Variants in AGAP1 observed in about 807,000 individuals in gnomAD.
AGAP1 encodes arf-GAP with GTPase, ANK repeat and PH domain-containing protein 1.
Under a neutral mutation model 105.3 loss-of-function variants are expected in AGAP1, and 29 were observed. The observed-to-expected ratio is 0.28, with a 90% CI of 0.21 to 0.38. AGAP1 has a LOEUF of 0.38. Among genes scored for constraint, AGAP1 ranks in the 10% least tolerant of loss-of-function variants. AGAP1 has a pLI of 1.00. For synonymous variants in AGAP1, 509 were observed against 485.9 expected, an observed-to-expected ratio of 1.05 and a Z score of -0.63; for missense variants, 998 against 1,165.1, an observed-to-expected ratio of 0.86 and a Z score of 2.09.
intron 6 of AGAP1, among the ~76,000 whole-genome samples, chr2:235,775,421 C>T (rs753485855): frequency 9.8e-5 from 15 of 152,300 alleles, no homozygotes; most frequent in Non-Finnish European, 1.5e-4. Flanking sequence ...GGTGTAATGA[C>T]GTCCTTTCCA....
chr2:235,853,338 T>A, intron 9 of AGAP1: 1 of 561,938 alleles, frequency 1.8e-6, no homozygotes, highest in Middle Eastern at 9.0e-4. Context: ...GAACAGGGAA[T>A]GTTGTGACTT....
At position 236,017,181 on chromosome 2, in the gene AGAP1, T is replaced by A. The variant is rs368785895; in HGVS notation, c.1646-19380T>A. Among the ~76,000 whole-genome samples the A allele has an allele frequency of 4.6e-5, 7 of 151,340 alleles. No individual in the cohort carries two copies. The East Asian group carries it at 1.4e-3, about 30-fold the overall frequency. On this transcript the variant is annotated intron_variant, in intron 13 of 17. Transcript: ENST00000304032. ...AGTGGCGAGCACCTGTAATCCCAGCTACTCAGGAGGCTGAGGCAGGAGAAT... is the reference window on the plus strand; with the variant it reads ...AGTGGCGAGCACCTGTAATCCCAGCAACTCAGGAGGCTGAGGCAGGAGAAT...
At chr2:236,122,978 C>T (rs752619539) in intron 17 of AGAP1, among the ~76,000 whole-genome samples, 14 of 152,082 alleles carry the variant, frequency 9.2e-5, no homozygotes, top group Non-Finnish European at 1.9e-4. Flanking sequence ...CCACCGTGTC[C>T]GGCTCCAGTG....
chr2:235,991,743 T>C (rs1405900931), intron 13 of AGAP1, among the ~76,000 whole-genome samples: 1 of 152,222 alleles, frequency 6.6e-6, no homozygotes, highest in East Asian at 1.9e-4. Context: ...AGGCATTTCC[T>C]TCTGCAGTTC....
At chr2:236,048,539 CT>C (rs1279134105) in intron 15 of AGAP1, among the ~76,000 whole-genome samples, 3 of 152,200 alleles carry the variant, frequency 2.0e-5, no homozygotes, top group African/African-American at 7.2e-5. Context: ...GTACCTCTCT[CT>C]CATCTTTGAA....
chr2:235,998,780 A>T (rs369875013), intron 13 of AGAP1, among the ~76,000 whole-genome samples: 5 of 138,298 alleles, frequency 3.6e-5, no homozygotes, highest in African/African-American at 1.3e-4. Context: ...GAGGTTATGA[A>T]GGGGGTTGTG....
rs575100530 is a variant in AGAP1 at position 235,696,191 on chromosome 2, G to A, written c.164-12988G>A. On this transcript the variant is annotated intron_variant, in intron 1 of 17. Transcript: ENST00000304032. ...CTCCAAAGTAGCTAGGATTACAGGC[G>A]TGCACCCCCATGCCCAGCTAATTTT... 6.4e-4 allele frequency among the ~76,000 whole-genome samples: 98 copies of A among 152,246 alleles called. 1 individual carries two copies. In the South Asian group the frequency reaches 0.013, roughly 21 times the overall value.
rs2051419903 is a variant in AGAP1 at position 235,908,603 on chromosome 2, G to T, written c.1156-135G>T. The T allele has an allele frequency of 2.7e-6, 2 of 744,472 alleles. No homozygotes were observed. The highest frequency in any genetic ancestry group is 2.1e-6 in the Non-Finnish European group (1 of 476,756). The allele number at this position is 744,472 out of a possible 1,614,324, so 46.1% of individuals were successfully genotyped here. A position where few individuals can be genotyped will look rare whatever the true frequency, so the allele number is the denominator to read the frequency against. On this transcript the variant is annotated intron_variant, in intron 10 of 17. Coordinates refer to ENST00000304032, the MANE Select transcript of AGAP1 (RefSeq NM_001037131.3). This position sits in a 1 kb window ranked among gnomAD's most constrained non-coding sequence, Gnocchi z 4.4. ...AGTACTCTATAGATAAAAATCTCATGATTTTTAAAGTACTTTCCACAGTGG... is the reference window on the plus strand; with the variant it reads ...AGTACTCTATAGATAAAAATCTCATTATTTTTAAAGTACTTTCCACAGTGG...
At chr2:235,815,199 C>G (rs117085734) in intron 9 of AGAP1, among the ~76,000 whole-genome samples, 2 of 152,156 alleles carry the variant, frequency 1.3e-5, no homozygotes, top group Admixed American at 6.5e-5. Context: ...CAGGGCTGCC[C>G]TAATGAAATC....
rs1559318075 is a variant in AGAP1 at position 235,655,655 on chromosome 2, G to A, written c.164-53524G>A. On this transcript the variant is annotated intron_variant, in intron 1 of 17. Transcript: ENST00000304032. This position sits in a 1 kb window ranked among gnomAD's most constrained non-coding sequence, Gnocchi z 4.3. The stretch of plus-strand genomic sequence containing the variant: ...TGTGAGTGGGATCCCAGGCCAAGCA[G>A]TTAACTGCGTTCCAGCGAAGCAGGT... 1.3e-5 allele frequency among the ~76,000 whole-genome samples: 2 copies of A among 152,230 alleles called. No homozygotes were observed. Among genetic ancestry groups the A allele is most frequent in the African/African-American group, 2.4e-5 (1 of 41,476 alleles).
Position 235,936,718 on chromosome 2 carries a change from T to C in AGAP1, c.1483+5795T>C, listed in dbSNP as rs2053010158. Among the ~76,000 whole-genome samples, 1 of 152,132 alleles carries C rather than the reference T, an allele frequency of 6.6e-6. No homozygotes were observed. The highest frequency in any genetic ancestry group is 1.5e-5 in the Non-Finnish European group (1 of 68,024). ...GTCTCTGACCTGGAAGCTTCTTTGATGGGAGGGTATCAGTGAAGCGTGGTG... is the reference window on the plus strand; with the variant it reads ...GTCTCTGACCTGGAAGCTTCTTTGACGGGAGGGTATCAGTGAAGCGTGGTG... On this transcript the variant is annotated intron_variant, in intron 12 of 17. Coordinates refer to ENST00000304032, the MANE Select transcript of AGAP1 (RefSeq NM_001037131.3). The surrounding 1 kb of genome is among the most constrained non-coding windows in gnomAD (Gnocchi z 4.7).
intron 1 of AGAP1, among the ~76,000 whole-genome samples, chr2:235,581,909 G>A (rs1475347658): frequency 6.6e-6 from 1 of 152,218 alleles, no homozygotes; most frequent in Admixed American, 6.5e-5. Flanking sequence ...TTGAAACCTG[G>A]AAGAAGAAAA....
At chr2:236,102,373 A>C (rs182358809) in intron 16 of AGAP1, among the ~76,000 whole-genome samples, 183 of 146,952 alleles carry the variant, frequency 1.2e-3, no homozygotes, top group African/African-American at 4.4e-3. Context: ...AGGCGAGATC[A>C]TGCCACTGCA....
intron 12 of AGAP1, among the ~76,000 whole-genome samples, chr2:235,952,064 C>A (rs1275528747): frequency 6.6e-6 from 1 of 152,152 alleles, no homozygotes; most frequent in African/African-American, 2.4e-5. Context: ...TCATTAACAC[C>A]ACACCAGATT....
At chr2:235,854,521 C>T (rs2106470342) in intron 9 of AGAP1, among the ~76,000 whole-genome samples, 1 of 152,362 alleles carries the variant, frequency 6.6e-6, no homozygotes, top group South Asian at 2.1e-4. Context: ...CCAGCCTCAG[C>T]TGCTATTGTG....
rs1043122497 is a variant in AGAP1 at position 235,559,151 on chromosome 2, T to A, written c.163+64302T>A. On this transcript the variant is annotated intron_variant, in intron 1 of 17. Coordinates refer to ENST00000304032, the MANE Select transcript of AGAP1 (RefSeq NM_001037131.3). The surrounding 1 kb of genome is among the most constrained non-coding windows in gnomAD (Gnocchi z 5.7). Reference sequence around the variant, plus strand: ...CATGTTGCCCAGGCTGGTCTTGAACTCCTGGGCTTAAGTGATCCTCGCACC... The same window carrying A: ...CATGTTGCCCAGGCTGGTCTTGAACACCTGGGCTTAAGTGATCCTCGCACC... 6.6e-6 allele frequency among the ~76,000 whole-genome samples: 1 copy of A among 152,208 alleles called. No homozygotes were observed. Among genetic ancestry groups the A allele is most frequent in the Non-Finnish European group, 1.5e-5 (1 of 68,038 alleles).
intron 1 of AGAP1, among the ~76,000 whole-genome samples, chr2:235,603,535 ACACAGTTCAGG>A (rs1402175097): frequency 1.3e-5 from 2 of 152,236 alleles, no homozygotes; most frequent in African/African-American, 4.8e-5. Context: ...ATGACTAGTT[ACACAGTTCAGG>A]TGCTAGGAGG....
At chr2:235,942,286 G>A (rs2053296985) in intron 12 of AGAP1, among the ~76,000 whole-genome samples, 1 of 152,142 alleles carries the variant, frequency 6.6e-6, no homozygotes. Context: ...AGCCGTCACT[G>A]AAATTTGCAT....
At chr2:235,770,483 A>G (rs1483931289) in intron 6 of AGAP1, among the ~76,000 whole-genome samples, 1 of 152,074 alleles carries the variant, frequency 6.6e-6, no homozygotes, top group Non-Finnish European at 1.5e-5. Flanking sequence ...GCCGGAGTGC[A>G]GTGGTGCCAT....
Sources: allele counts gnomAD v4.1 joint callset (sites outside exome capture counted in the v4.1 genomes callset), GRCh38; gene constraint gnomAD v4.1.1; non-coding constraint Gnocchi (gnomAD v3.1); transcripts MANE v1.5; gene names NCBI Gene and HGNC (gene_info 2026-07-23, HGNC 2026-07-21).